STAT1: variants seen among roughly 807,000 people sequenced by gnomAD.
STAT1 encodes signal transducer and activator of transcription 1, also known as signal transducer and activator of transcription 1-alpha/beta.
A neutral mutation model predicts 111.7 loss-of-function variants in STAT1; 24 were observed. The ratio of observed to expected loss-of-function variants is 0.21; its 90% CI spans 0.16 to 0.30. The LOEUF (loss-of-function observed/expected upper bound fraction) is 0.30. Ranked by LOEUF, STAT1 falls within the 10% of genes least tolerant of loss-of-function variation. The pLI is 1.00. For missense variants in STAT1, 351 were observed against 911.9 expected, an observed-to-expected ratio of 0.38 and a Z score of 7.92; for synonymous variants, 332 against 326.5, an observed-to-expected ratio of 1.02 and a Z score of -0.18.
At position 190,983,677 on chromosome 2, in the gene STAT1, T is replaced by G; in HGVS notation, c.1411A>C (p.Ile471Leu). 1 of 1,614,184 alleles carries G rather than the reference T, an allele frequency of 6.2e-7. No individual in the cohort carries two copies. Among genetic ancestry groups the G allele is most frequent in the Non-Finnish European group, 8.5e-7 (1 of 1,180,030 alleles). Residue 471 changes from isoleucine to leucine, a missense_variant, in exon 17 of 25, where the codon ATC becomes CTC. Around this residue, in one of 7 missense-constraint regions of STAT1, gnomAD observed 181 missense variants for 426.1 expected, o/e 0.42. Coordinates refer to ENST00000361099, the MANE Select transcript of STAT1 (RefSeq NM_007315.4). This position sits in a 1 kb window ranked among gnomAD's most constrained non-coding sequence, Gnocchi z 5.7. ...VSQLPSGWAS[I>L]LWYNMLVAEP... ...GCCACCAGCATGTTGTACCAAAGGATGGAGGCCCAACCGCTCGGGAGCTGG... is the reference window on the plus strand; with the variant it reads ...GCCACCAGCATGTTGTACCAAAGGAGGGAGGCCCAACCGCTCGGGAGCTGG...
chr2:191,010,416 A>C (rs549949329), intron 2 of STAT1: 11 of 470,694 alleles, frequency 2.3e-5, no homozygotes, highest in African/African-American at 2.0e-4. Context: ...GAAGGGATGG[A>C]TGTTGGTGGA....
chr2:190,982,280 A>T lies in STAT1; in HGVS notation c.1582+103T>A. On this transcript the variant is annotated intron_variant, in intron 18 of 24. Coordinates refer to ENST00000361099, the MANE Select transcript of STAT1 (RefSeq NM_007315.4). The surrounding 1 kb of genome is among the most constrained non-coding windows in gnomAD (Gnocchi z 7.3). ...GCTTGAAAAGCTGACAGATTTTAGT[A>T]CTTTTTTACCTTTAACAAAATAGCA... 1 of 1,380,180 alleles carries T rather than the reference A, an allele frequency of 7.2e-7. No homozygotes were observed. Among genetic ancestry groups the T allele is most frequent in the Non-Finnish European group, 1.0e-6 (1 of 975,568 alleles). The allele number at this position is 1,380,180 out of a possible 1,614,324, so 85.5% of individuals were successfully genotyped here.
At position 191,001,010 on chromosome 2, in the gene STAT1, A is replaced by G. The variant is rs188112436; in HGVS notation, c.462+64T>C. ...AGTTACGAGGTTTACACCCCAAGCA[A>G]TTGAAACCTTTTTTCCCCTACAGAA... is the stretch of plus-strand genomic sequence containing the variant. On this transcript the variant is annotated intron_variant, in intron 6 of 24. Coordinates refer to ENST00000361099, the MANE Select transcript of STAT1 (RefSeq NM_007315.4). The G allele has an allele frequency of 2.1e-4, 287 of 1,356,416 alleles. 2 individuals carry two copies. In the East Asian group the frequency reaches 5.2e-3, roughly 25 times the overall value. The allele number at this position is 1,356,416 out of a possible 1,614,324, so 84.0% of individuals were successfully genotyped here. A position where few individuals can be genotyped will look rare whatever the true frequency, so the allele number is the denominator to read the frequency against.
intron 12 of STAT1, among the ~76,000 whole-genome samples, chr2:190,988,623 C>T (rs1693062175): frequency 6.6e-6 from 1 of 152,122 alleles, no homozygotes; most frequent in African/African-American, 2.4e-5. Context: ...ATGTGATCTG[C>T]CTGCCTTGGC....
At chr2:190,991,383 T>C in intron 10 of STAT1, 63 bp from the exon 11 acceptor site, 1 of 1,513,290 alleles carries the variant, frequency 6.6e-7, no homozygotes, top group African/African-American at 1.4e-5. Flanking sequence ...GCAATCACAA[T>C]GATTTTCCTG....
chr2:191,005,164 T>A lies in STAT1; in HGVS notation c.372+2399A>T, dbSNP rs1694585539. Among the ~76,000 whole-genome samples, 4 of 152,252 alleles carry A rather than the reference T, an allele frequency of 2.6e-5. No individual in the cohort carries two copies. The South Asian group carries it at 8.3e-4, about 32-fold the overall frequency. ...CTCGGAATTTTGCATGTTTTTAACT[T>A]GTTGAATCTGTTGAATCCCCATGTA... On this transcript the variant is annotated intron_variant, in intron 5 of 24. Coordinates refer to ENST00000361099, the MANE Select transcript of STAT1 (RefSeq NM_007315.4).
rs868079210 is a variant in STAT1, at chr2:190,996,443, C to T, written c.786-1224G>A. ...CCAGCGGAGAAGCTAAACCAGTGTC[C>T]CCAACTCTGCTTGCACACAGAGAAA... On this transcript the variant is annotated intron_variant, in intron 9 of 24. Coordinates refer to ENST00000361099, the MANE Select transcript of STAT1 (RefSeq NM_007315.4). This position sits in a 1 kb window ranked among gnomAD's most constrained non-coding sequence, Gnocchi z 4.5. Among the ~76,000 whole-genome samples the T allele has an allele frequency of 2.6e-4, 40 of 152,276 alleles. No individual in the cohort carries two copies. The highest frequency in any genetic ancestry group is 9.6e-4 in the African/African-American group (40 of 41,546).
rs1194856430 is a variant in STAT1, at chr2:191,012,962, T to C, written c.-2+563A>G. On this transcript the variant is annotated intron_variant, in intron 2 of 24. Transcript: ENST00000361099. The surrounding 1 kb of genome is among the most constrained non-coding windows in gnomAD (Gnocchi z 4.0). The stretch of plus-strand genomic sequence containing the variant: ...TGAATTCTGTACCTCTATTAGAGCA[T>C]CGGTTCCAGTTTTCCTTGTAAAGCT... 6.6e-6 allele frequency among the ~76,000 whole-genome samples: 1 copy of C among 152,220 alleles called. No individual in the cohort carries two copies. Among genetic ancestry groups the C allele is most frequent in the Non-Finnish European group, 1.5e-5 (1 of 68,042 alleles).
At position 191,001,804 on chromosome 2, in the gene STAT1, C is replaced by G. The variant is rs146569436; in HGVS notation, c.373-641G>C. 3.2e-3 allele frequency among the ~76,000 whole-genome samples: 485 copies of G among 152,300 alleles called. 1 individual carries two copies. The highest frequency in any genetic ancestry group is 0.011 in the African/African-American group (441 of 41,550). ...TGACAGGGTCTCTACTTGCTTCATACACCAGATGTACCCTGCACATACTAG... is the reference window on the plus strand; with the variant it reads ...TGACAGGGTCTCTACTTGCTTCATAGACCAGATGTACCCTGCACATACTAG... On this transcript the variant is annotated intron_variant, in intron 5 of 24. Transcript: ENST00000361099.
chr2:190,999,228 G>A lies in STAT1; in HGVS notation c.541+398C>T, dbSNP rs1008237618. Among the ~76,000 whole-genome samples the A allele has an allele frequency of 3.9e-5, 6 of 152,106 alleles. No homozygotes were observed. The highest frequency in any genetic ancestry group is 7.4e-5 in the Non-Finnish European group (5 of 68,014). ...GGCAGGGGAACTCCACATATCTATC[G>A]CTCTGTGTCAGTCAGTGGGCTAGGC... On this transcript the variant is annotated intron_variant, in intron 7 of 24. Transcript: ENST00000361099. The surrounding 1 kb of genome is among the most constrained non-coding windows in gnomAD (Gnocchi z 4.1).
At position 190,975,338 on chromosome 2, in the gene STAT1, T is replaced by C. The variant is rs1005007458; in HGVS notation, c.2136-406A>G. On this transcript the variant is annotated intron_variant, in intron 23 of 24. Coordinates refer to ENST00000361099, the MANE Select transcript of STAT1 (RefSeq NM_007315.4). This position sits in a 1 kb window ranked among gnomAD's most constrained non-coding sequence, Gnocchi z 5.9. ...GAGGTTTGAATGCAGATAAAGCTGC[T>C]CCACACAGTGTTTTTACATGAAGGC... 1 of 482,964 alleles carries C rather than the reference T, an allele frequency of 2.1e-6. No homozygotes were observed. Among genetic ancestry groups the C allele is most frequent in the African/African-American group, 2.0e-5 (1 of 50,546 alleles). The allele number at this position is 482,964 out of a possible 1,614,324, so 29.9% of individuals were successfully genotyped here. A position where few individuals can be genotyped will look rare whatever the true frequency, so the allele number is the denominator to read the frequency against.
Position 190,977,964 on chromosome 2 carries a change from C to T in STAT1, c.1873+892G>A, listed in dbSNP as rs183509101. Among the ~76,000 whole-genome samples the T allele has an allele frequency of 2.7e-5, 4 of 150,390 alleles. No homozygotes were observed. The highest frequency in any genetic ancestry group is 9.8e-5 in the African/African-American group (4 of 40,828). Reference sequence around the variant, plus strand: ...GAGTATTCCTGAAAAATAAACAGAACAAGAAAGAATACCGTTCCAGAAAAA... The same window carrying T: ...GAGTATTCCTGAAAAATAAACAGAATAAGAAAGAATACCGTTCCAGAAAAA... On this transcript the variant is annotated intron_variant, in intron 21 of 24. Transcript: ENST00000361099. The surrounding 1 kb of genome is among the most constrained non-coding windows in gnomAD (Gnocchi z 4.7).
Position 190,974,946 on chromosome 2 carries a change from AAAG to A in STAT1, c.2136-17_2136-15del. On this transcript the variant is annotated splice_polypyrimidine_tract_variant and intron_variant, in intron 23 of 24. Coordinates refer to ENST00000361099, the MANE Select transcript of STAT1 (RefSeq NM_007315.4). This position sits in a 1 kb window ranked among gnomAD's most constrained non-coding sequence, Gnocchi z 4.8. ...CTAGAAGGGTGACTAAAATGGGGAA[AAAG>A]AAAAGAGCAATGTCAACATCTGAGT... The A allele has an allele frequency of 6.3e-7, 1 of 1,596,462 alleles. No individual in the cohort carries two copies.
chr2:190,987,181 T>C lies in STAT1; in HGVS notation c.1098-113A>G. On this transcript the variant is annotated intron_variant, in intron 12 of 24. Coordinates refer to ENST00000361099, the MANE Select transcript of STAT1 (RefSeq NM_007315.4). The surrounding 1 kb of genome is among the most constrained non-coding windows in gnomAD (Gnocchi z 4.0). ...GTGTAAGTGAATGATGAATAAAAAA[T>C]AAATCTACACCTATGGATTTGCAGC... is the stretch of plus-strand genomic sequence containing the variant. 1 of 822,500 alleles carries C rather than the reference T, an allele frequency of 1.2e-6. No individual in the cohort carries two copies. Among genetic ancestry groups the C allele is most frequent in the South Asian group, 1.5e-5 (1 of 66,308 alleles). The allele number at this position is 822,500 out of a possible 1,614,324, so 51.0% of individuals were successfully genotyped here.
chr2:190,972,109 C>CAGATTCAG (rs1691529881), intron 24 of STAT1, among the ~76,000 whole-genome samples: 1 of 152,172 alleles, frequency 6.6e-6, no homozygotes, highest in Non-Finnish European at 1.5e-5. Flanking sequence ...AGAGGAAGCC[C>CAGATTCAG]AGATTCAGAT....
At position 191,007,564 on chromosome 2, in the gene STAT1, T is replaced by C. The variant is rs1476328098; in HGVS notation, c.371A>G (p.Gln124Arg). 1 of 1,609,106 alleles carries C rather than the reference T, an allele frequency of 6.2e-7. No individual in the cohort carries two copies. Among genetic ancestry groups the C allele is most frequent in the Non-Finnish European group, 8.5e-7 (1 of 1,175,904 alleles). ...ATGTGTTCAATGAGAAAAAAGTACCTGATTAAATCTCTGGGCGTTTTCCAG... is the reference window on the plus strand; with the variant it reads ...ATGTGTTCAATGAGAAAAAAGTACCCGATTAAATCTCTGGGCGTTTTCCAG... ...KILENAQRFNQAQSGNIQSTV... is the reference protein window; with the variant it reads ...KILENAQRFNRAQSGNIQSTV... Residue 124 changes from glutamine to arginine, a missense_variant and splice_region_variant, in exon 5 of 25, where the codon CAG (glutamine) becomes CGG (arginine). This residue lies in a region of STAT1 where 20 missense variants were observed against 18.4 expected (regional missense o/e 1.09). Coordinates refer to ENST00000361099, the MANE Select transcript of STAT1 (RefSeq NM_007315.4). This position sits in a 1 kb window ranked among gnomAD's most constrained non-coding sequence, Gnocchi z 4.2.
At chr2:191,005,568 G>A (rs1040183864) in intron 5 of STAT1, among the ~76,000 whole-genome samples, 27 of 152,196 alleles carry the variant, frequency 1.8e-4, no homozygotes, top group African/African-American at 6.5e-4. Flanking sequence ...AGGAGCAATA[G>A]GCTTTACCAT....
chr2:190,979,077 A>T lies in STAT1; in HGVS notation c.1728-76T>A. ...CATTTTCATGCTAACTTACAAACCAAGAAAATGGCTGGAATGTGAGAAAAA... is the reference window on the plus strand; with the variant it reads ...CATTTTCATGCTAACTTACAAACCATGAAAATGGCTGGAATGTGAGAAAAA... On this transcript the variant is annotated intron_variant, in intron 20 of 24. Transcript: ENST00000361099. This position sits in a 1 kb window ranked among gnomAD's most constrained non-coding sequence, Gnocchi z 5.8. 1 of 1,589,284 alleles carries T rather than the reference A, an allele frequency of 6.3e-7. No individual in the cohort carries two copies. The highest frequency in any genetic ancestry group is 8.6e-7 in the Non-Finnish European group (1 of 1,162,108).
At chr2:190,991,113 C>G in intron 11 of STAT1, 115 bp downstream of exon 11, 2 of 813,910 alleles carry the variant, frequency 2.5e-6, no homozygotes, top group South Asian at 1.4e-5. Context: ...TATTAAAGTG[C>G]CCCCTGAAAA....
Sources: gnomAD v4.1 joint callset for allele counts (sites outside exome capture counted in the v4.1 genomes callset) on GRCh38, gnomAD v4.1.1 for gene constraint, gnomAD v4.1.1 regional missense constraint, Gnocchi (gnomAD v3.1) non-coding constraint, MANE v1.5 for transcripts, NCBI Gene and HGNC (gene_info 2026-07-23, HGNC 2026-07-21) for gene names.